CCDC85C: variants seen among roughly 807,000 people sequenced by gnomAD.
The protein encoded by CCDC85C is coiled-coil domain containing 85C.
Under a neutral mutation model 38.3 loss-of-function variants are expected in CCDC85C, and 18 were observed. The ratio of observed to expected loss-of-function variants is 0.47; its 90% CI spans 0.33 to 0.70. CCDC85C has a LOEUF of 0.70. CCDC85C is among the 30% of genes least tolerant of loss of function. CCDC85C has a pLI of 0.03. For synonymous variants in CCDC85C, 264 were observed against 293.8 expected (o/e 0.90, Z 1.04); for missense variants, 566 against 621.2 (o/e 0.91, Z 0.94).
At chr14:99,534,006 G>A (rs1182075739) in intron 2 of CCDC85C, among the ~76,000 whole-genome samples, 2 of 152,220 alleles carry the variant, frequency 1.3e-5, no homozygotes, top group Non-Finnish European at 2.9e-5. Context: ...TGTCCTTATG[G>A]AAACAGGACC....
chr14:99,566,326 CCT>C (rs79808722), intron 1 of CCDC85C, among the ~76,000 whole-genome samples: 33,077 of 152,164 alleles, frequency 0.22, 4,194 homozygotes, highest in Middle Eastern at 0.33. Flanking sequence ...CTATCAGTGC[CCT>C]GTTTTACAGG....
In CCDC85C at chr14:99,500,602, G is replaced by A. The variant is rs1040728075; in HGVS notation, c.*14644C>T. ...TGAGATCTTTTCAGAATTTATCAGT[G>A]TCTCTGAGCATGTTAAAAGTCTGAG... On this transcript the variant is annotated 3_prime_UTR_variant, in exon 6 of 6. Transcript: ENST00000380243. 2 of 597,396 alleles carry A rather than the reference G, an allele frequency of 3.3e-6. No individual in the cohort carries two copies. The highest frequency in any genetic ancestry group is 4.1e-5 in the South Asian group (2 of 48,446). 37.0% of individuals were successfully genotyped at this position (597,396 alleles called of 1,614,324 possible). A position where few individuals can be genotyped will look rare whatever the true frequency, so the allele number is the denominator to read the frequency against.
In CCDC85C at chr14:99,526,655, C is replaced by T. The variant is rs954911957; in HGVS notation, c.868-4415G>A. Among the ~76,000 whole-genome samples, 3 of 152,200 alleles carry T rather than the reference C, an allele frequency of 2.0e-5. No homozygotes were observed. The South Asian group carries it at 6.2e-4, about 32-fold the overall frequency. On this transcript the variant is annotated intron_variant, in intron 2 of 5. Coordinates refer to ENST00000380243, the MANE Select transcript of CCDC85C (RefSeq NM_001144995.2). ...CACCCCGTCCCCAAGACCTGGCGAC[C>T]TCCCTCCAGGAAGACGAAGCACTGT... is the stretch of plus-strand genomic sequence containing the variant.
chr14:99,519,798 C>G (rs1160947343), intron 3 of CCDC85C, among the ~76,000 whole-genome samples: 1 of 152,240 alleles, frequency 6.6e-6, no homozygotes, highest in Non-Finnish European at 1.5e-5. Flanking sequence ...AAGCCTGACA[C>G]AAAAGGCCAC....
At chr14:99,538,978 A>G (rs1461265980) in intron 1 of CCDC85C, among the ~76,000 whole-genome samples, 2 of 151,896 alleles carry the variant, frequency 1.3e-5, no homozygotes, top group African/African-American at 4.8e-5. Context: ...CCACACACCC[A>G]CGGCCCCAGA....
intron 1 of CCDC85C, among the ~76,000 whole-genome samples, chr14:99,574,083 G>T (rs1284921881): frequency 6.6e-6 from 1 of 152,166 alleles, no homozygotes; most frequent in Non-Finnish European, 1.5e-5. Flanking sequence ...ACATGCCAGG[G>T]ACGCGCAGGA....
chr14:99,516,939 G>T lies in CCDC85C; in HGVS notation c.1071+149C>A. 1.4e-6 allele frequency: 1 copy of T among 731,474 alleles called. No individual in the cohort carries two copies. The highest frequency in any genetic ancestry group is 2.4e-6 in the Non-Finnish European group (1 of 411,706). 45.3% of individuals were successfully genotyped at this position (731,474 alleles called of 1,614,324 possible). ...CCACCTCTGAGTTCAACCTCACAGT[G>T]CTCCAGGCAGCCATGGTCACCCAGC... On this transcript the variant is annotated intron_variant, in intron 4 of 5. Transcript: ENST00000380243. This position sits in a 1 kb window ranked among gnomAD's most constrained non-coding sequence, Gnocchi z 5.5.
rs2139999913 is a variant in CCDC85C, at chr14:99,603,083, C to G, written c.793+84G>C. 7.9e-7 allele frequency: 1 copy of G among 1,270,676 alleles called. No homozygotes were observed. Among genetic ancestry groups the G allele is most frequent in the Non-Finnish European group, 9.9e-7 (1 of 1,007,636 alleles). 78.7% of individuals were successfully genotyped at this position (1,270,676 alleles called of 1,614,324 possible). A position where few individuals can be genotyped will look rare whatever the true frequency, so the allele number is the denominator to read the frequency against. On this transcript the variant is annotated intron_variant, in intron 1 of 5. Coordinates refer to ENST00000380243, the MANE Select transcript of CCDC85C (RefSeq NM_001144995.2). This position sits in a 1 kb window ranked among gnomAD's most constrained non-coding sequence, Gnocchi z 7.5. ...AGTGGCGGCCGCATGAGTGGGACAGCCAGGGACCACCTCCTCTCGCCGCAG... is the reference window on the plus strand; with the variant it reads ...AGTGGCGGCCGCATGAGTGGGACAGGCAGGGACCACCTCCTCTCGCCGCAG...
At chr14:99,537,176 C>G (rs1388314576) in intron 1 of CCDC85C, among the ~76,000 whole-genome samples, 1 of 152,180 alleles carries the variant, frequency 6.6e-6, no homozygotes, top group African/African-American at 2.4e-5. Flanking sequence ...TCCACCCTGA[C>G]AGCTGTCCAC....
intron 3 of CCDC85C, among the ~76,000 whole-genome samples, chr14:99,521,745 G>A (rs973171037): frequency 2.0e-5 from 3 of 152,222 alleles, no homozygotes; most frequent in African/African-American, 4.8e-5. Context: ...GCCAGGTAGG[G>A]GCAGAGGATA....
intron 1 of CCDC85C, among the ~76,000 whole-genome samples, chr14:99,536,663 G>A (rs1360773250): frequency 6.6e-6 from 1 of 152,228 alleles, no homozygotes; most frequent in Non-Finnish European, 1.5e-5. Flanking sequence ...AGCATATGCT[G>A]CAGGTGAGCA....
At chr14:99,579,627 G>C (rs947466554) in intron 1 of CCDC85C, among the ~76,000 whole-genome samples, 4 of 152,244 alleles carry the variant, frequency 2.6e-5, no homozygotes, top group Non-Finnish European at 5.9e-5. Context: ...AGAAGGAAGA[G>C]GTGGGGCCAG....
chr14:99,544,945 A>G lies in CCDC85C; in HGVS notation c.794-8857T>C, dbSNP rs528657445. Among the ~76,000 whole-genome samples the G allele has an allele frequency of 1.3e-5, 2 of 152,258 alleles. No individual in the cohort carries two copies. Among genetic ancestry groups the G allele is most frequent in the South Asian group, 4.1e-4 (2 of 4,824 alleles). The stretch of plus-strand genomic sequence containing the variant: ...GGATGCATGCAAAAACGGAGCTGCC[A>G]TGACCGGAGCCCCACACTCTCCATC... On this transcript the variant is annotated intron_variant, in intron 1 of 5. Transcript: ENST00000380243. This position sits in a 1 kb window ranked among gnomAD's most constrained non-coding sequence, Gnocchi z 5.3.
In CCDC85C at chr14:99,505,702, A is replaced by T. The variant is rs1345829557; in HGVS notation, c.*9544T>A. The T allele has an allele frequency of 6.6e-6, 1 of 152,128 alleles. No individual in the cohort carries two copies. Among genetic ancestry groups the T allele is most frequent in the Non-Finnish European group, 1.5e-5 (1 of 68,038 alleles). 9.4% of individuals were successfully genotyped at this position (152,128 alleles called of 1,614,324 possible). ...GTGACCCCATCACTACACAAAACTT[A>T]AAAATCAGCTCGGCGTGGTGGCGCC... On this transcript the variant is annotated 3_prime_UTR_variant, in exon 6 of 6. Transcript: ENST00000380243.
chr14:99,529,212 C>T (rs954353967), intron 2 of CCDC85C, among the ~76,000 whole-genome samples: 4 of 152,108 alleles, frequency 2.6e-5, no homozygotes, highest in African/African-American at 7.2e-5. Context: ...TTCAAACTCA[C>T]GTGTATGTGC....
At chr14:99,601,811 T>G (rs980884746) in intron 1 of CCDC85C, among the ~76,000 whole-genome samples, 1 of 151,984 alleles carries the variant, frequency 6.6e-6, no homozygotes, top group Admixed American at 6.6e-5. Context: ...TAACAAAATA[T>G]CCCTCTAAAC....
chr14:99,510,936 GT>G lies in CCDC85C; in HGVS notation c.*4309del. 1 of 613,182 alleles carries G rather than the reference GT, an allele frequency of 1.6e-6. No homozygotes were observed. Among genetic ancestry groups the G allele is most frequent in the Non-Finnish European group, 2.4e-6 (1 of 412,054 alleles). 38.0% of individuals were successfully genotyped at this position (613,182 alleles called of 1,614,324 possible). A position where few individuals can be genotyped will look rare whatever the true frequency, so the allele number is the denominator to read the frequency against. ...GGGCCCCTGGGATAAAATCAGAGTG[GT>G]CCTCACACCTAGAGGACGGGGACAA... On this transcript the variant is annotated 3_prime_UTR_variant, in exon 6 of 6. Coordinates refer to ENST00000380243, the MANE Select transcript of CCDC85C (RefSeq NM_001144995.2).
intron 2 of CCDC85C, 161 bp from the exon 3 acceptor site, chr14:99,522,401 G>T (rs1236250686): frequency 3.6e-6 from 2 of 557,422 alleles, no homozygotes; most frequent in Non-Finnish European, 6.4e-6. Flanking sequence ...CCCGAGCCGG[G>T]ATCAATCGAT....
intron 1 of CCDC85C, among the ~76,000 whole-genome samples, chr14:99,579,672 G>C (rs550325069): frequency 6.6e-6 from 1 of 152,182 alleles, no homozygotes; most frequent in East Asian, 1.9e-4. Flanking sequence ...TGAGGTGGGG[G>C]CTATGGTCAG....
Sources: gnomAD v4.1 joint callset for allele counts (sites outside exome capture counted in the v4.1 genomes callset) on GRCh38, gnomAD v4.1.1 for gene constraint, Gnocchi (gnomAD v3.1) non-coding constraint, MANE v1.5 for transcripts, NCBI Gene and HGNC (gene_info 2026-07-23, HGNC 2026-07-21) for gene names.